Variants in RAB41 observed in about 807,000 individuals in gnomAD.
RAB41 encodes the protein RAB41, member RAS oncogene family.
In RAB41, 15 loss-of-function variants were observed where a neutral mutation model predicts 19.0. The observed-to-expected ratio is 0.79, with a 90% CI of 0.53 to 1.21. The LOEUF (loss-of-function observed/expected upper bound fraction) is 1.21. Ranked by LOEUF, RAB41 falls within the 50% of genes most tolerant of loss-of-function variation. RAB41 has a pLI of 0.00. For synonymous variants in RAB41, 73 were observed against 64.7 expected, an observed-to-expected ratio of 1.13 and a Z score of -0.62; for missense variants, 177 against 179.7, an observed-to-expected ratio of 0.99 and a Z score of 0.09.
chrX:70,282,409 C>T (rs2085692376), intron 1 of RAB41, 68 bp downstream of exon 1: 1 of 1,181,423 alleles, frequency 8.5e-7, no homozygotes, highest in Admixed American at 2.2e-5. Flanking sequence ...GGGGCATTCT[C>T]TGGGGAACCG....
Position 70,283,942 on chromosome X carries a change from T to G in RAB41, c.456-8T>G. On this transcript the variant is annotated splice_polypyrimidine_tract_variant and splice_region_variant and intron_variant, in intron 5 of 7. Transcript: ENST00000374473. ...TCTGGCCCTTTTCATCATTTCTGAT[T>G]CGTCCAGACAAGTCACTGCAGAACA... 1 of 1,174,511 alleles carries G rather than the reference T, an allele frequency of 8.5e-7. No homozygotes were observed. Among genetic ancestry groups the G allele is most frequent in the Non-Finnish European group, 1.2e-6 (1 of 862,064 alleles).
Position 70,282,483 on chromosome X carries a change from G to T in RAB41, c.125-50G>T, listed in dbSNP as rs374255419. On this transcript the variant is annotated intron_variant, in intron 1 of 7. Coordinates refer to ENST00000374473, the MANE Select transcript of RAB41 (RefSeq NM_001363807.1). ...AGGGAGGGCTCATAGAAACTTTGAG[G>T]GGAGAAAGGGCACTGAGGGCGACGA... 3.4e-6 allele frequency: 4 copies of T among 1,177,127 alleles called. No individual in the cohort carries two copies. The African/African-American group carries it at 7.0e-5, about 21-fold the overall frequency.
chrX:70,282,713 T>C lies in RAB41; in HGVS notation c.184-89T>C, dbSNP rs1400764961. ...TGGGAAGTGGAGCCAGGACAACTTCTTGAAGGGTCATTCTCCACTTTGGGT... is the reference window on the plus strand; with the variant it reads ...TGGGAAGTGGAGCCAGGACAACTTCCTGAAGGGTCATTCTCCACTTTGGGT... On this transcript the variant is annotated intron_variant, in intron 2 of 7. Transcript: ENST00000374473. 3.6e-6 allele frequency: 4 copies of C among 1,097,193 alleles called. No individual in the cohort carries two copies. In the African/African-American group the frequency reaches 5.5e-5, roughly 15 times the overall value. The allele number at this position is 1,097,193 out of a possible 1,213,427, so 90.4% of individuals were successfully genotyped here. A position where few individuals can be genotyped will look rare whatever the true frequency, so the allele number is the denominator to read the frequency against.
chrX:70,284,369 A>C (rs1222427994), intron 7 of RAB41, 40 bp downstream of exon 7: 1 of 1,171,005 alleles, frequency 8.5e-7, no homozygotes, highest in Non-Finnish European at 1.2e-6. Flanking sequence ...GGGAGTATAC[A>C]AGTAGAGAAG....
intron 4 of RAB41, 56 bp from the exon 5 acceptor site, chrX:70,283,457 G>C: frequency 9.1e-7 from 1 of 1,096,954 alleles, no homozygotes; most frequent in Non-Finnish European, 1.3e-6. Context: ...GAGAGGAAGT[G>C]TTCTCTCCAA....
chrX:70,282,596 G>A lies in RAB41; in HGVS notation c.183+5G>A. 1.7e-6 allele frequency: 2 copies of A among 1,205,216 alleles called. No individual in the cohort carries two copies. The highest frequency in any genetic ancestry group is 1.1e-6 in the Non-Finnish European group (1 of 889,750). On this transcript the variant is annotated splice_donor_5th_base_variant and intron_variant, in intron 2 of 7. Transcript: ENST00000374473. ...AGCTTCGGCTGCGCCTGCCAGGTAAGACCACCACCGAGTCATATGGTACAT... is the reference window on the plus strand; with the variant it reads ...AGCTTCGGCTGCGCCTGCCAGGTAAAACCACCACCGAGTCATATGGTACAT...
Position 70,283,935 on chromosome X carries a change from T to C in RAB41, c.456-15T>C. 1 of 1,154,196 alleles carries C rather than the reference T, an allele frequency of 8.7e-7. No individual in the cohort carries two copies. Among genetic ancestry groups the C allele is most frequent in the Non-Finnish European group, 1.2e-6 (1 of 844,055 alleles). Reference sequence around the variant, plus strand: ...CAATAACTCTGGCCCTTTTCATCATTTCTGATTCGTCCAGACAAGTCACTG... The same window carrying C: ...CAATAACTCTGGCCCTTTTCATCATCTCTGATTCGTCCAGACAAGTCACTG... On this transcript the variant is annotated splice_polypyrimidine_tract_variant and intron_variant, in intron 5 of 7. Transcript: ENST00000374473.
At chrX:70,282,487 G>A (rs1357509995) in intron 1 of RAB41, 46 bp from the exon 2 acceptor site, 1 of 1,184,282 alleles carries the variant, frequency 8.4e-7, no homozygotes, top group South Asian at 1.8e-5. Context: ...TTTGAGGGGA[G>A]AAAGGGCACT....
chrX:70,282,965 C>A, intron 3 of RAB41, 110 bp downstream of exon 3: 1 of 631,211 alleles, frequency 1.6e-6, no homozygotes, highest in Non-Finnish European at 2.6e-6. Context: ...AATTACCAAG[C>A]CCTATGATGT....
rs758796462 is a variant in RAB41 at position 70,284,605 on chromosome X, G to C, written c.631G>C (p.Glu211Gln). ...CACTTCAGCGGTTGAAATCGAACTG[G>C]AATCCTTCGAGGAGTCAGGCAACAG... is the stretch of plus-strand genomic sequence containing the variant. ...PKEGTVEIEL[E>Q]SFEESGNRSY... The change falls in exon 8 of 8, where the codon GAA becomes CAA. Residue 211 changes from glutamate to glutamine, a missense_variant. Physicochemically the swap from Glu to Gln is conservative, Grantham distance 29. Coordinates refer to ENST00000374473, the MANE Select transcript of RAB41 (RefSeq NM_001363807.1). 3 of 1,207,877 alleles carry C rather than the reference G, an allele frequency of 2.5e-6. No homozygotes were observed. The Admixed American group carries it at 6.6e-5, about 26-fold the overall frequency.
At chrX:70,284,437 C>T in intron 7 of RAB41, 108 bp downstream of exon 7, 1 of 980,799 alleles carries the variant, frequency 1.0e-6, no homozygotes, top group Non-Finnish European at 1.4e-6. Context: ...ATGGGACTAA[C>T]TTTAGCCCAA....
At chrX:70,284,207 C>T (rs1408370276) in intron 6 of RAB41, 59 bp from the exon 7 acceptor site, 2 of 1,163,301 alleles carry the variant, frequency 1.7e-6, no homozygotes, top group Non-Finnish European at 2.3e-6. Context: ...AGCCTCTGAA[C>T]CTGACCTTTT....
intron 7 of RAB41, 115 bp from the exon 8 acceptor site, chrX:70,284,473 T>A: frequency 1.1e-6 from 1 of 925,184 alleles, no homozygotes; most frequent in Non-Finnish European, 1.6e-6. Context: ...TGCCTTTAGG[T>A]GAGAGGGATT....
Position 70,282,915 on chromosome X carries a change from C to A in RAB41, c.237+60C>A. 7.1e-6 allele frequency: 7 copies of A among 980,714 alleles called. No homozygotes were observed. The South Asian group carries it at 1.2e-4, about 17-fold the overall frequency. The allele number at this position is 980,714 out of a possible 1,213,427, so 80.8% of individuals were successfully genotyped here. On this transcript the variant is annotated intron_variant, in intron 3 of 7. Transcript: ENST00000374473. ...TTCAACCCCTTAGGCCTATTCATCA[C>A]AGTTGGGTAGCACCATCAAAAAAAA... is the stretch of plus-strand genomic sequence containing the variant.
At chrX:70,284,466 C>T in intron 7 of RAB41, 122 bp from the exon 8 acceptor site, 1 of 933,999 alleles carries the variant, frequency 1.1e-6, no homozygotes, top group Non-Finnish European at 1.5e-6. Context: ...CTTCGTTTGC[C>T]TTTAGGTGAG....
Position 70,283,808 on chromosome X carries a change from G to A in RAB41, c.456-142G>A, listed in dbSNP as rs751684772. The A allele has an allele frequency of 1.6e-4, 82 of 527,391 alleles. 1 individual carries two copies. The Admixed American group carries it at 1.9e-3, about 12-fold the overall frequency. The allele number at this position is 527,391 out of a possible 1,213,427, so 43.5% of individuals were successfully genotyped here. On this transcript the variant is annotated intron_variant, in intron 5 of 7. Transcript: ENST00000374473. ...ACAAGGATATGTTGGGGGTATAGGAGAGAGTCCCCACCCTGTAGTCAGAAG... is the reference window on the plus strand; with the variant it reads ...ACAAGGATATGTTGGGGGTATAGGAAAGAGTCCCCACCCTGTAGTCAGAAG...
chrX:70,284,400 G>C, intron 7 of RAB41, 71 bp downstream of exon 7: 3 of 1,094,871 alleles, frequency 2.7e-6, no homozygotes, highest in East Asian at 3.0e-5. Flanking sequence ...TTGCTGAGTT[G>C]ATGCCTGAGT....
In RAB41 at chrX:70,283,543, G is replaced by T. The variant is rs770366371; in HGVS notation, c.374G>T (p.Trp125Leu). 15 of 1,206,771 alleles carry T rather than the reference G, an allele frequency of 1.2e-5. No individual in the cohort carries two copies. The highest frequency in any genetic ancestry group is 2.2e-5 in the Admixed American group (1 of 45,864). ...NINSFKETDK[W>L]VEHVRAERGD... The stretch of plus-strand genomic sequence containing the variant: ...AATTCTTTTAAGGAGACAGATAAGT[G>T]GGTAGAACACGTGCGAGCAGAAAGA... The change falls in exon 5 of 8, where the codon TGG becomes TTG. Residue 125 changes from tryptophan to leucine, a missense_variant. Transcript: ENST00000374473.
chrX:70,282,522 C>G lies in RAB41; in HGVS notation c.125-11C>G. On this transcript the variant is annotated splice_polypyrimidine_tract_variant and intron_variant, in intron 1 of 7. Coordinates refer to ENST00000374473, the MANE Select transcript of RAB41 (RefSeq NM_001363807.1). ...TGAGGGCGACGATTGGCCTGCTTATCTCCCTCACAGTAGGGAAGACATCCA... is the reference window on the plus strand; with the variant it reads ...TGAGGGCGACGATTGGCCTGCTTATGTCCCTCACAGTAGGGAAGACATCCA... The G allele has an allele frequency of 8.3e-7, 1 of 1,208,947 alleles. No individual in the cohort carries two copies. Among genetic ancestry groups the G allele is most frequent in the African/African-American group, 1.7e-5 (1 of 57,704 alleles).
Sources: allele counts gnomAD v4.1 joint callset, GRCh38; gene constraint gnomAD v4.1.1; transcripts MANE v1.5; gene names NCBI Gene and HGNC (gene_info 2026-07-23, HGNC 2026-07-21).